Variants in KDM4C observed in about 807,000 individuals in gnomAD.
The protein encoded by KDM4C is lysine demethylase 4C.
A neutral mutation model predicts 129.3 loss-of-function variants in KDM4C; 81 were observed. The observed-to-expected ratio is 0.63, with a 90% CI of 0.52 to 0.75. The LOEUF (loss-of-function observed/expected upper bound fraction) is 0.75, where lower values mean the gene tolerates loss of function less well. Ranked by LOEUF, KDM4C falls within the 30% of genes least tolerant of loss-of-function variation. The probability of loss-of-function intolerance (pLI) is 0.00; values close to 1 mark genes in which losing one functional copy is unlikely to be tolerated. For synonymous variants in KDM4C, 573 were observed against 456.1 expected, an observed-to-expected ratio of 1.26 and a Z score of -3.26; for missense variants, 1,457 against 1,304.0, an observed-to-expected ratio of 1.12 and a Z score of -1.81.
At chr9:7,029,152 T>C (rs1028875369) in intron 15 of KDM4C, among the ~76,000 whole-genome samples, 10 of 152,228 alleles carry the variant, frequency 6.6e-5, no homozygotes, top group African/African-American at 2.4e-4. Context: ...CTCATTACTT[T>C]TGACTTAAGT....
chr9:7,040,305 C>G (rs886963349), intron 15 of KDM4C, among the ~76,000 whole-genome samples: 2 of 150,874 alleles, frequency 1.3e-5, no homozygotes, highest in African/African-American at 4.9e-5. Flanking sequence ...TTCCTTCCCT[C>G]CCTCCCTCTG....
intron 1 of KDM4C, among the ~76,000 whole-genome samples, chr9:6,782,088 T>C (rs929017834): frequency 6.6e-6 from 1 of 152,164 alleles, no homozygotes; most frequent in Non-Finnish European, 1.5e-5. Flanking sequence ...GTCTCCCAAG[T>C]GCTGGGATTA....
intron 8 of KDM4C, among the ~76,000 whole-genome samples, chr9:6,915,445 T>G (rs567680931): frequency 1.3e-5 from 2 of 152,242 alleles, no homozygotes. Context: ...TGCCTGCCAC[T>G]TTGAGGTTCG....
chr9:6,759,397 TTTA>T (rs1336402024), intron 1 of KDM4C, among the ~76,000 whole-genome samples: 1 of 152,192 alleles, frequency 6.6e-6, no homozygotes, highest in Non-Finnish European at 1.5e-5. Flanking sequence ...AGGTCCATTT[TTTA>T]TTAGGAAGCA....
At chr9:6,950,226 T>C (rs923162484) in intron 8 of KDM4C, among the ~76,000 whole-genome samples, 1 of 152,196 alleles carries the variant, frequency 6.6e-6, no homozygotes, top group African/African-American at 2.4e-5. Flanking sequence ...AACCTTAAAT[T>C]CTCCTTTCCA....
chr9:6,813,395 C>T, intron 3 of KDM4C, among the ~76,000 whole-genome samples: 1 of 151,988 alleles, frequency 6.6e-6, no homozygotes, highest in East Asian at 1.9e-4. Flanking sequence ...TCAAATTGTT[C>T]TATGTTTTAA....
At chr9:6,937,219 TA>T (rs1824973853) in intron 8 of KDM4C, among the ~76,000 whole-genome samples, 1 of 152,190 alleles carries the variant, frequency 6.6e-6, no homozygotes, top group Non-Finnish European at 1.5e-5. Flanking sequence ...AGCGAGTAAT[TA>T]AAAATTTACT....
At chr9:6,859,972 G>T (rs111883259) in intron 5 of KDM4C, among the ~76,000 whole-genome samples, 41 of 152,148 alleles carry the variant, frequency 2.7e-4, no homozygotes, top group African/African-American at 8.4e-4. Context: ...TTTTCCTATA[G>T]CTTTAAGGAG....
chr9:6,860,595 A>G (rs1234042261), intron 5 of KDM4C, among the ~76,000 whole-genome samples: 1 of 152,196 alleles, frequency 6.6e-6, no homozygotes, highest in African/African-American at 2.4e-5. Context: ...ACCTTCACAT[A>G]TGCCTGCAAT....
chr9:7,129,674 T>C (rs1439636715), intron 19 of KDM4C, among the ~76,000 whole-genome samples: 1 of 152,288 alleles, frequency 6.6e-6, no homozygotes, highest in East Asian at 1.9e-4. Context: ...GGATGCTTTC[T>C]CTACCGTGGA....
intron 8 of KDM4C, among the ~76,000 whole-genome samples, chr9:6,958,746 A>G (rs1829539148): frequency 1.4e-5 from 2 of 141,920 alleles, no homozygotes; most frequent in South Asian, 4.4e-4. Context: ...GTGCAGTGGC[A>G]TGTTCATGGC....
chr9:6,886,025 A>C (rs888514949), intron 6 of KDM4C, among the ~76,000 whole-genome samples: 7 of 152,220 alleles, frequency 4.6e-5, no homozygotes, highest in African/African-American at 1.4e-4. Flanking sequence ...TCAGTGTTGC[A>C]GAAAGTTACA....
chr9:6,862,755 C>A (rs113581534), intron 5 of KDM4C, among the ~76,000 whole-genome samples: 1 of 151,918 alleles, frequency 6.6e-6, no homozygotes, highest in East Asian at 1.9e-4. Context: ...TGCAGTGAGC[C>A]GAGATCACGC....
intron 17 of KDM4C, among the ~76,000 whole-genome samples, chr9:7,057,609 C>G (rs2132648796): frequency 6.6e-6 from 1 of 151,756 alleles, no homozygotes; most frequent in Middle Eastern, 3.4e-3. Context: ...GCAATATTAG[C>G]TGTTATTCTC....
chr9:6,919,545 G>GTCTGTCTA lies in KDM4C; in HGVS notation c.921+26316_921+26317insGTCTATCT, dbSNP rs1233591405. Among the ~76,000 whole-genome samples the GTCTGTCTA allele has an allele frequency of 3.8e-3, 305 of 79,458 alleles. 1 individual carries two copies. Among genetic ancestry groups the GTCTGTCTA allele is most frequent in the African/African-American group, 9.6e-3 (248 of 25,804 alleles). 52.1% of individuals were successfully genotyped at this position (79,458 alleles called of 152,430 possible). A position where few individuals can be genotyped will look rare whatever the true frequency, so the allele number is the denominator to read the frequency against. On this transcript the variant is annotated intron_variant, in intron 8 of 21. Coordinates refer to ENST00000381309, the MANE Select transcript of KDM4C (RefSeq NM_015061.6). ...TTCAATTTCATCTGTCTGTCTGTCT[G>GTCTGTCTA]TCTATCTATCTATCTATCTATCTAT...
At chr9:7,017,143 C>T (rs1265901011) in intron 15 of KDM4C, among the ~76,000 whole-genome samples, 7 of 152,116 alleles carry the variant, frequency 4.6e-5, no homozygotes, top group Non-Finnish European at 1.0e-4. Context: ...CACTATGTTG[C>T]CCAGGCTGTT....
intron 1 of KDM4C, among the ~76,000 whole-genome samples, chr9:6,790,494 TCCGC>T (rs1826345176): frequency 6.6e-6 from 1 of 150,848 alleles, no homozygotes; most frequent in Non-Finnish European, 1.5e-5. Context: ...CCTCAACTGA[TCCGC>T]CCGCCTCGGC....
intron 1 of KDM4C, among the ~76,000 whole-genome samples, chr9:6,751,601 C>T (rs576495484): frequency 1.3e-5 from 2 of 152,258 alleles, no homozygotes; most frequent in South Asian, 4.1e-4. Flanking sequence ...ATGGATATGA[C>T]AAGGACCCAA....
chr9:7,017,979 A>G (rs775786393), intron 15 of KDM4C, among the ~76,000 whole-genome samples: 3 of 152,222 alleles, frequency 2.0e-5, no homozygotes, highest in Non-Finnish European at 4.4e-5. Flanking sequence ...AATCTGGTAT[A>G]TTTAATGTTA....
Sources: allele counts gnomAD v4.1 joint callset (sites outside exome capture counted in the v4.1 genomes callset), GRCh38; gene constraint gnomAD v4.1.1; transcripts MANE v1.5; gene names NCBI Gene and HGNC (gene_info 2026-07-23, HGNC 2026-07-21).